The following SLC8A1 variants were observed in gnomAD, a reference collection of about 807,000 sequenced individuals.
The protein encoded by SLC8A1 is sodium/calcium exchanger 1.
A neutral mutation model predicts 68.3 loss-of-function variants in SLC8A1; 18 were observed. The observed-to-expected ratio is 0.26, with a 90% CI of 0.18 to 0.39. SLC8A1 has a LOEUF of 0.39. Among genes scored for constraint, SLC8A1 ranks in the 10% least tolerant of loss-of-function variants. SLC8A1 has a pLI of 1.00. For missense variants in SLC8A1, 985 were observed against 1,156.7 expected, an observed-to-expected ratio of 0.85 and a Z score of 2.15; for synonymous variants, 475 against 415.5, an observed-to-expected ratio of 1.14 and a Z score of -1.74.
intron 2 of SLC8A1, among the ~76,000 whole-genome samples, chr2:40,318,497 G>GA (rs11411683): frequency 0.51 from 76,565 of 150,908 alleles, 21,957 homozygotes; most frequent in African/African-American, 0.77. Context: ...TTACAGAAAA[G>GA]AAAAAAAAAC....
At chr2:40,127,051 G>C (rs752897425) in intron 7 of SLC8A1, among the ~76,000 whole-genome samples, 2 of 152,048 alleles carry the variant, frequency 1.3e-5, no homozygotes, top group Non-Finnish European at 2.9e-5. Flanking sequence ...CTTTATGAAT[G>C]GTGTGGAGGA....
intron 1 of SLC8A1, among the ~76,000 whole-genome samples, chr2:40,458,101 A>C (rs1205501796): frequency 6.6e-6 from 1 of 152,208 alleles, no homozygotes; most frequent in Non-Finnish European, 1.5e-5. Flanking sequence ...AAAACCACTG[A>C]CCTAAGGTCA....
At chr2:40,254,603 AT>A (rs1002972272) in intron 2 of SLC8A1, 3 of 152,076 alleles carry the variant, frequency 2.0e-5, no homozygotes, top group African/African-American at 7.2e-5. Flanking sequence ...CTTTTTTATT[AT>A]TTCTAATTTT....
At position 40,240,966 on chromosome 2, in the gene SLC8A1, G is replaced by C. The variant is rs1178523347; in HGVS notation, c.1809-63111C>G. The stretch of plus-strand genomic sequence containing the variant: ...TGATTTTTAAAGAACTTAAAACAGA[G>C]GTACTATTCAACCCAGCAATCCCAT... On this transcript the variant is annotated intron_variant, in intron 2 of 7. Transcript: ENST00000406785. Among the ~76,000 whole-genome samples the C allele has an allele frequency of 2.0e-5, 3 of 152,158 alleles. No individual in the cohort carries two copies. In the East Asian group the frequency reaches 5.8e-4, roughly 29 times the overall value.
intron 2 of SLC8A1, among the ~76,000 whole-genome samples, chr2:40,398,962 T>G (rs1687853008): frequency 1.3e-5 from 2 of 152,190 alleles, no homozygotes; most frequent in Admixed American, 6.5e-5. Context: ...CATCTATATA[T>G]TTGACAAAAC....
intron 1 of SLC8A1, among the ~76,000 whole-genome samples, chr2:40,489,193 C>T (rs1244694016): frequency 6.6e-6 from 1 of 152,090 alleles, no homozygotes; most frequent in African/African-American, 2.4e-5. Flanking sequence ...TAAGGTGACA[C>T]ATCGCTAGCA....
chr2:40,392,415 A>C (rs1419503486), intron 2 of SLC8A1, among the ~76,000 whole-genome samples: 1 of 151,956 alleles, frequency 6.6e-6, no homozygotes, highest in Non-Finnish European at 1.5e-5. Context: ...ATTTTCAAGA[A>C]AGGAAGAGAA....
exon 8 of SLC8A1, chr2:40,112,975 G>A (rs1019681976): frequency 6.6e-6 from 1 of 152,294 alleles, no homozygotes; most frequent in African/African-American, 2.4e-5. Context: ...TGTTAAAAGA[G>A]TTTCATAATT....
At chr2:40,399,520 C>T (rs921030839) in intron 2 of SLC8A1, among the ~76,000 whole-genome samples, 1 of 152,052 alleles carries the variant, frequency 6.6e-6, no homozygotes, top group Admixed American at 6.5e-5. Flanking sequence ...GGAATGGTCT[C>T]GTCTCTAGAG....
intron 2 of SLC8A1, among the ~76,000 whole-genome samples, chr2:40,241,332 A>G (rs1364139150): frequency 6.6e-6 from 1 of 152,000 alleles, no homozygotes; most frequent in Non-Finnish European, 1.5e-5. Flanking sequence ...GGTATAATAG[A>G]CACTCTGGAC....
In SLC8A1 at chr2:40,174,848, A is replaced by G; in HGVS notation, c.1913-6T>C. 2 of 1,608,678 alleles carry G rather than the reference A, an allele frequency of 1.2e-6. No homozygotes were observed. The highest frequency in any genetic ancestry group is 1.1e-5 in the South Asian group (1 of 90,872). On this transcript the variant is annotated splice_region_variant and splice_polypyrimidine_tract_variant and intron_variant, in intron 3 of 7. Transcript: ENST00000406785. ...ACCTGTTATTGTGAAGCCACCTAAA[A>G]AAGAAAAAAACAACAACAAATGTTA...
At chr2:40,503,110 A>G (rs1706147782) in intron 1 of SLC8A1, among the ~76,000 whole-genome samples, 1 of 152,016 alleles carries the variant, frequency 6.6e-6, no homozygotes, top group Non-Finnish European at 1.5e-5. Flanking sequence ...GCATAATCAC[A>G]TGTTTCTGTA....
intron 2 of SLC8A1, among the ~76,000 whole-genome samples, chr2:40,331,124 A>C (rs1478058552): frequency 6.6e-6 from 1 of 152,200 alleles, no homozygotes; most frequent in Non-Finnish European, 1.5e-5. Flanking sequence ...TAGGAAAATG[A>C]GGGTGATATT....
At chr2:40,461,096 A>C (rs1218210418) in intron 1 of SLC8A1, among the ~76,000 whole-genome samples, 1 of 152,182 alleles carries the variant, frequency 6.6e-6, no homozygotes, top group Non-Finnish European at 1.5e-5. Context: ...GCTCAGCTTA[A>C]TCTTTTAAAA....
chr2:40,486,821 T>A (rs1041203017), intron 1 of SLC8A1, among the ~76,000 whole-genome samples: 3 of 151,566 alleles, frequency 2.0e-5, no homozygotes, highest in Non-Finnish European at 4.4e-5. Flanking sequence ...GTGCTGCACC[T>A]GTTAACTCGT....
chr2:40,283,684 T>C (rs2067842243), intron 2 of SLC8A1, among the ~76,000 whole-genome samples: 1 of 152,198 alleles, frequency 6.6e-6, no homozygotes, highest in Non-Finnish European at 1.5e-5. Flanking sequence ...CTCCATGCTC[T>C]TTATCTCAGC....
intron 2 of SLC8A1, among the ~76,000 whole-genome samples, chr2:40,412,056 T>A (rs923975014): frequency 6.6e-6 from 1 of 152,178 alleles, no homozygotes; most frequent in South Asian, 2.1e-4. Context: ...ATTAAATAAC[T>A]AGCCCAATAT....
At chr2:40,465,726 A>AT (rs1005747441) in intron 1 of SLC8A1, among the ~76,000 whole-genome samples, 5 of 152,160 alleles carry the variant, frequency 3.3e-5, no homozygotes, top group Admixed American at 1.3e-4. Context: ...GCGATAGCGT[A>AT]TTTTTTTATA....
At chr2:40,171,871 C>G (rs2047551097) in intron 4 of SLC8A1, among the ~76,000 whole-genome samples, 1 of 152,198 alleles carries the variant, frequency 6.6e-6, no homozygotes, top group Admixed American at 6.5e-5. Flanking sequence ...GAGGCAAGGT[C>G]TGGGAACAAT....
Sources: gnomAD v4.1 joint callset for allele counts (sites outside exome capture counted in the v4.1 genomes callset) on GRCh38, gnomAD v4.1.1 for gene constraint, MANE v1.5 for transcripts, NCBI Gene and HGNC (gene_info 2026-07-23, HGNC 2026-07-21) for gene names.